SYNDIG1: variants seen among roughly 807,000 people sequenced by gnomAD.
SYNDIG1 encodes synapse differentiation inducing 1.
Under a neutral mutation model 19.4 loss-of-function variants are expected in SYNDIG1, and 9 were observed. That is an observed-to-expected ratio of 0.46 (90% CI 0.28 to 0.81). The LOEUF (loss-of-function observed/expected upper bound fraction) is 0.81. SYNDIG1 is among the 30% of genes least tolerant of loss of function. The pLI is 0.12. For missense variants in SYNDIG1, 311 were observed against 343.3 expected (o/e 0.91, Z 0.74); for synonymous variants, 141 against 145.9 (o/e 0.97, Z 0.24).
intron 3 of SYNDIG1, among the ~76,000 whole-genome samples, chr20:24,619,814 T>A (rs1257284783): frequency 6.6e-6 from 1 of 152,166 alleles, no homozygotes; most frequent in Non-Finnish European, 1.5e-5. Context: ...TGACCCAGCC[T>A]AACTTTCATG....
At chr20:24,481,748 G>A (rs1219937101) in intron 1 of SYNDIG1, among the ~76,000 whole-genome samples, 2 of 152,180 alleles carry the variant, frequency 1.3e-5, no homozygotes, top group Non-Finnish European at 2.9e-5. Context: ...GGGAGCTGGC[G>A]GGGAGAGCTG....
At chr20:24,582,066 A>C (rs2058334260) in intron 2 of SYNDIG1, among the ~76,000 whole-genome samples, 1 of 91,422 alleles carries the variant, frequency 1.1e-5, no homozygotes, top group Non-Finnish European at 2.0e-5. Context: ...TCCCTCCTTC[A>C]TGTCCTCCCC....
At chr20:24,499,525 A>G (rs922656548) in intron 1 of SYNDIG1, among the ~76,000 whole-genome samples, 2 of 152,340 alleles carry the variant, frequency 1.3e-5, no homozygotes, top group South Asian at 4.1e-4. Context: ...CATAAATGAC[A>G]ATTAGGATGT....
At chr20:24,647,018 C>G (rs1489448245) in intron 3 of SYNDIG1, among the ~76,000 whole-genome samples, 5 of 152,190 alleles carry the variant, frequency 3.3e-5, no homozygotes, top group Admixed American at 3.3e-4. Flanking sequence ...GTGATAGCAA[C>G]ACAAAATGGG....
At chr20:24,608,913 G>A (rs1460804173) in intron 3 of SYNDIG1, among the ~76,000 whole-genome samples, 2 of 152,164 alleles carry the variant, frequency 1.3e-5, no homozygotes, top group Non-Finnish European at 2.9e-5. Context: ...TTTGTGTGGA[G>A]GACAGTAATT....
At chr20:24,560,694 C>CT (rs10658853) in intron 2 of SYNDIG1, among the ~76,000 whole-genome samples, 10,855 of 113,620 alleles carry the variant, frequency 0.096, 1,086 homozygotes, top group African/African-American at 0.22. Context: ...CTGTTGACTA[C>CT]TTTTTTTTTT....
intron 1 of SYNDIG1, among the ~76,000 whole-genome samples, chr20:24,485,092 C>A (rs545814783): frequency 8.0e-6 from 1 of 124,842 alleles, no homozygotes; most frequent in African/African-American, 5.0e-5. Context: ...TGTTATGATG[C>A]AGCACAAAAG....
At chr20:24,618,917 T>C (rs144793817) in intron 3 of SYNDIG1, among the ~76,000 whole-genome samples, 3,732 of 152,270 alleles carry the variant, frequency 0.025, 63 homozygotes, top group African/African-American at 0.036. Context: ...GGGCTTGTAT[T>C]TCCTTAATTG....
At chr20:24,633,383 C>A (rs1161718892) in intron 3 of SYNDIG1, among the ~76,000 whole-genome samples, 6 of 152,190 alleles carry the variant, frequency 3.9e-5, no homozygotes, top group Non-Finnish European at 7.4e-5. Flanking sequence ...CCTGCTGTGC[C>A]CCTCCTGGTT....
intron 2 of SYNDIG1, among the ~76,000 whole-genome samples, chr20:24,545,547 G>A (rs773349601): frequency 2.0e-5 from 3 of 152,140 alleles, no homozygotes; most frequent in Non-Finnish European, 4.4e-5. Context: ...CTGGGGCCCT[G>A]AGCTCAATGC....
chr20:24,595,804 GT>G (rs535893758), intron 3 of SYNDIG1, among the ~76,000 whole-genome samples: 1 of 152,054 alleles, frequency 6.6e-6, no homozygotes, highest in Admixed American at 6.6e-5. Context: ...CTCTCTGAGA[GT>G]TTTTTTAATT....
chr20:24,504,351 G>A (rs1219678081), intron 1 of SYNDIG1, among the ~76,000 whole-genome samples: 2 of 150,302 alleles, frequency 1.3e-5, no homozygotes, highest in Admixed American at 6.6e-5. Flanking sequence ...GGTAGCCCGG[G>A]GAGCAATGAA....
chr20:24,620,648 C>T (rs2059024106), intron 3 of SYNDIG1, among the ~76,000 whole-genome samples: 1 of 152,162 alleles, frequency 6.6e-6, no homozygotes, highest in East Asian at 1.9e-4. Context: ...TAGGAGGAGA[C>T]ATAGATGTCA....
chr20:24,523,138 C>T (rs1052246294), intron 1 of SYNDIG1, among the ~76,000 whole-genome samples: 1 of 152,206 alleles, frequency 6.6e-6, no homozygotes, highest in Admixed American at 6.5e-5. Flanking sequence ...ATGAGTCAGA[C>T]CCTGAAGTCA....
intron 2 of SYNDIG1, among the ~76,000 whole-genome samples, chr20:24,584,245 C>A (rs1290532704): frequency 6.6e-6 from 1 of 152,148 alleles, no homozygotes; most frequent in African/African-American, 2.4e-5. Flanking sequence ...GGAAATCAGG[C>A]CCCACCTGTG....
chr20:24,586,345 G>T (rs906175233), intron 3 of SYNDIG1, among the ~76,000 whole-genome samples: 2 of 152,170 alleles, frequency 1.3e-5, no homozygotes, highest in Admixed American at 6.5e-5. Context: ...AAATGCCACA[G>T]AACCCCTTCT....
intron 3 of SYNDIG1, among the ~76,000 whole-genome samples, chr20:24,617,149 G>A (rs1160007311): frequency 3.3e-5 from 5 of 152,116 alleles, no homozygotes; most frequent in South Asian, 2.1e-4. Context: ...AGAGGTGGCC[G>A]CCTGGGTGCT....
intron 1 of SYNDIG1, among the ~76,000 whole-genome samples, chr20:24,473,428 G>T (rs1379687704): frequency 6.6e-6 from 1 of 152,174 alleles, no homozygotes; most frequent in Non-Finnish European, 1.5e-5. Flanking sequence ...GTCGGCAGGA[G>T]GTTTGAACAA....
chr20:24,532,880 T>G (rs2057289115), intron 1 of SYNDIG1, among the ~76,000 whole-genome samples: 1 of 152,222 alleles, frequency 6.6e-6, no homozygotes, highest in Non-Finnish European at 1.5e-5. Context: ...TCAACAACTG[T>G]TAGGATTTAG....
Sources: gnomAD v4.1 joint callset for allele counts (sites outside exome capture counted in the v4.1 genomes callset) on GRCh38, gnomAD v4.1.1 for gene constraint, MANE v1.5 for transcripts, NCBI Gene and HGNC (gene_info 2026-07-23, HGNC 2026-07-21) for gene names.